PARD3: variants seen among roughly 807,000 people sequenced by gnomAD.
The protein encoded by PARD3 is par-3 family cell polarity regulator.
PARD3 carries 75 observed loss-of-function variants against 155.4 expected under a neutral mutation model. The observed-to-expected ratio is 0.48, with a 90% CI of 0.40 to 0.58. The LOEUF is 0.58. PARD3 is among the 20% of genes least tolerant of loss of function. The probability of loss-of-function intolerance (pLI) is 0.00; values close to 1 mark genes in which losing one functional copy is unlikely to be tolerated. For missense variants in PARD3, 1,642 were observed against 1,721.7 expected (o/e 0.95, Z 0.82); for synonymous variants, 576 against 610.5 (o/e 0.94, Z 0.83).
intron 22 of PARD3, among the ~76,000 whole-genome samples, chr10:34,214,189 C>A (rs1245342478): frequency 6.6e-6 from 1 of 152,174 alleles, no homozygotes; most frequent in Non-Finnish European, 1.5e-5. Context: ...TGTGAGCCAT[C>A]GTGCTGGCCT....
At chr10:34,237,686 T>C (rs12247918) in intron 22 of PARD3, among the ~76,000 whole-genome samples, 1 of 152,178 alleles carries the variant, frequency 6.6e-6, no homozygotes, top group African/African-American at 2.4e-5. Flanking sequence ...TCAGGGACAT[T>C]TGATTAGGAC....
At chr10:34,575,977 G>A (rs1290090450) in intron 2 of PARD3, among the ~76,000 whole-genome samples, 1 of 152,172 alleles carries the variant, frequency 6.6e-6, no homozygotes, top group East Asian at 1.9e-4. Context: ...ACCAGGCATA[G>A]GCTTAGCCAT....
chr10:34,517,217 AT>A (rs777911462), intron 2 of PARD3, 58 bp from the exon 3 acceptor site: 28 of 1,472,030 alleles, frequency 1.9e-5, no homozygotes, highest in Non-Finnish European at 2.4e-5. Flanking sequence ...AACTACCAAA[AT>A]TTTGTACTAT....
At chr10:34,169,898 GGATGT>G (rs1949708338) in intron 22 of PARD3, among the ~76,000 whole-genome samples, 1 of 152,176 alleles carries the variant, frequency 6.6e-6, no homozygotes, top group Admixed American at 6.5e-5. Context: ...CTGCCCTGCA[GGATGT>G]ATCTGCAGGG....
chr10:34,445,607 T>C (rs1428987067), intron 5 of PARD3, among the ~76,000 whole-genome samples: 1 of 152,150 alleles, frequency 6.6e-6, no homozygotes, highest in Non-Finnish European at 1.5e-5. Context: ...CTCAATGCCA[T>C]CCCTTTTGCT....
At chr10:34,360,405 T>G (rs1839330122) in intron 12 of PARD3, 146 bp from the exon 13 acceptor site, 5 of 594,256 alleles carry the variant, frequency 8.4e-6, no homozygotes, top group African/African-American at 1.8e-5. Context: ...ATGAAAACAC[T>G]ACATCTGCAC....
intron 3 of PARD3, among the ~76,000 whole-genome samples, chr10:34,484,578 T>A (rs1433205444): frequency 6.6e-6 from 1 of 152,146 alleles, no homozygotes; most frequent in Admixed American, 6.5e-5. Context: ...GTCTTTCCCT[T>A]TATCAACCCA....
chr10:34,666,968 G>T (rs11009856), intron 2 of PARD3, among the ~76,000 whole-genome samples: 3 of 151,608 alleles, frequency 2.0e-5, no homozygotes, highest in Non-Finnish European at 2.9e-5. Context: ...CAGAAGTTTG[G>T]TATCAGCCTG....
At chr10:34,295,349 A>G (rs1956858875) in intron 20 of PARD3, among the ~76,000 whole-genome samples, 1 of 152,182 alleles carries the variant, frequency 6.6e-6, no homozygotes, top group South Asian at 2.1e-4. Flanking sequence ...TTATTTGACC[A>G]AATAGTTCAA....
At chr10:34,812,193 T>A (rs1844269545) in intron 1 of PARD3, among the ~76,000 whole-genome samples, 1 of 152,018 alleles carries the variant, frequency 6.6e-6, no homozygotes, top group African/African-American at 2.4e-5. Flanking sequence ...CACCAGAAAA[T>A]GTTTACTGCA....
chr10:34,236,672 G>A (rs1162169513), intron 22 of PARD3, among the ~76,000 whole-genome samples: 1 of 152,144 alleles, frequency 6.6e-6, no homozygotes. Flanking sequence ...ACTCAAGACG[G>A]AAAACGTTAA....
intron 1 of PARD3, among the ~76,000 whole-genome samples, chr10:34,747,111 G>A (rs7100030): frequency 0.031 from 4,700 of 152,274 alleles, 235 homozygotes; most frequent in African/African-American, 0.11. Context: ...TGAGATACTG[G>A]CTTCTGCTAA....
intron 1 of PARD3, among the ~76,000 whole-genome samples, chr10:34,713,026 T>C (rs1053848533): frequency 6.6e-6 from 1 of 151,742 alleles, no homozygotes; most frequent in South Asian, 2.1e-4. Flanking sequence ...CTGGCCAACA[T>C]GGTGAAACCC....
intron 22 of PARD3, among the ~76,000 whole-genome samples, chr10:34,243,654 G>A (rs1477704469): frequency 6.6e-6 from 1 of 152,154 alleles, no homozygotes; most frequent in Non-Finnish European, 1.5e-5. Flanking sequence ...TGGCTAACAT[G>A]GTGAAGCCCC....
At chr10:34,440,057 G>A (rs1589581985) in intron 5 of PARD3, among the ~76,000 whole-genome samples, 1 of 152,254 alleles carries the variant, frequency 6.6e-6, no homozygotes, top group East Asian at 1.9e-4. Context: ...GAACACTGAA[G>A]ACGGGAATTT....
chr10:34,606,549 C>A (rs559359084), intron 2 of PARD3, among the ~76,000 whole-genome samples: 1 of 149,860 alleles, frequency 6.7e-6, no homozygotes, highest in Non-Finnish European at 1.5e-5. Flanking sequence ...GCTTATAATT[C>A]CAGCCTTTTG....
chr10:34,673,310 GT>G (rs1355331564), intron 2 of PARD3, among the ~76,000 whole-genome samples: 1 of 152,138 alleles, frequency 6.6e-6, no homozygotes, highest in African/African-American at 2.4e-5. Flanking sequence ...AACTTAAGGT[GT>G]TTTTTGTTTT....
At chr10:34,242,669 A>G (rs919442129) in intron 22 of PARD3, among the ~76,000 whole-genome samples, 2 of 152,212 alleles carry the variant, frequency 1.3e-5, no homozygotes, top group African/African-American at 4.8e-5. Context: ...AAGTATGCAC[A>G]CTAAAAATAA....
At chr10:34,751,287 T>C (rs1182959339) in intron 1 of PARD3, among the ~76,000 whole-genome samples, 3 of 152,198 alleles carry the variant, frequency 2.0e-5, no homozygotes, top group Non-Finnish European at 2.9e-5. Context: ...TGCTGATGAT[T>C]TGGGTCAAAA....
Sources: allele counts gnomAD v4.1 joint callset (sites outside exome capture counted in the v4.1 genomes callset), GRCh38; gene constraint gnomAD v4.1.1; transcripts MANE v1.5; gene names NCBI Gene and HGNC (gene_info 2026-07-23, HGNC 2026-07-21).